MTCL3: variants seen among roughly 807,000 people sequenced by gnomAD.
MTCL3 encodes microtubule cross-linking factor 3.
the MTCL3 span, among the ~76,000 whole-genome samples, chr6:127,494,923 C>A: frequency 6.6e-6 from 1 of 152,048 alleles, no homozygotes; most frequent in African/African-American, 2.4e-5. Flanking sequence ...AATCTGAGAA[C>A]CTGGTGGCTC....
chr6:127,486,734 TAG>T, the MTCL3 span, among the ~76,000 whole-genome samples: 1 of 152,264 alleles, frequency 6.6e-6, no homozygotes, highest in South Asian at 2.1e-4. Flanking sequence ...GGCCAGGAAT[TAG>T]AGAGTTTTGC....
the MTCL3 span, among the ~76,000 whole-genome samples, chr6:127,495,074 A>ATAG: frequency 6.8e-6 from 1 of 147,748 alleles, no homozygotes; most frequent in East Asian, 2.9e-4. Context: ...GTGGACACCT[A>ATAG]TAGTCCCAGC....
the MTCL3 span, among the ~76,000 whole-genome samples, chr6:127,477,045 CTG>C: frequency 1.3e-5 from 2 of 152,224 alleles, no homozygotes; most frequent in African/African-American, 4.8e-5. Context: ...CCAGTTCTGT[CTG>C]AAACAAATGC....
chr6:127,510,343 GAA>G, the MTCL3 span, among the ~76,000 whole-genome samples: 1 of 152,308 alleles, frequency 6.6e-6, no homozygotes, highest in East Asian at 1.9e-4. Flanking sequence ...CCTGAAGGAG[GAA>G]ATAGTCACAG....
At chr6:127,515,826 A>G in the MTCL3 span, 2 of 1,609,386 alleles carry the variant, frequency 1.2e-6, no homozygotes, top group East Asian at 2.2e-5. This position sits in a 1 kb window ranked among gnomAD's most constrained non-coding sequence, Gnocchi z 4.3. Context: ...CCTTCTTGAG[A>G]TGGAACTGGA....
At chr6:127,515,517 G>T in the MTCL3 span, 3 of 1,449,384 alleles carry the variant, frequency 2.1e-6, no homozygotes, top group Non-Finnish European at 2.7e-6. The surrounding 1 kb of genome is among the most constrained non-coding windows in gnomAD (Gnocchi z 4.3). Context: ...TCCTCACCTT[G>T]AGAGTCTCGT....
At chr6:127,512,908 G>T in the MTCL3 span, 1 of 1,610,658 alleles carries the variant, frequency 6.2e-7, no homozygotes, top group Admixed American at 1.7e-5. Flanking sequence ...ATTTTTTCCA[G>T]TTCATTCTGT....
At chr6:127,478,561 C>T in the MTCL3 span, among the ~76,000 whole-genome samples, 1 of 152,158 alleles carries the variant, frequency 6.6e-6, no homozygotes, top group African/African-American at 2.4e-5. Context: ...AAACATCCAT[C>T]AACAGTCATG....
chr6:127,486,316 A>T, the MTCL3 span, among the ~76,000 whole-genome samples: 2 of 152,234 alleles, frequency 1.3e-5, no homozygotes, highest in Admixed American at 6.5e-5. Context: ...ATGTGTAAGT[A>T]TCACATTTGC....
chr6:127,484,872 T>C, the MTCL3 span, among the ~76,000 whole-genome samples: 1 of 152,202 alleles, frequency 6.6e-6, no homozygotes, highest in Admixed American at 6.5e-5. Flanking sequence ...GAAACTAAAG[T>C]TTACAGGGGT....
chr6:127,516,481 G>A, the MTCL3 span: 9 of 1,599,496 alleles, frequency 5.6e-6, no homozygotes, highest in South Asian at 4.4e-5. Flanking sequence ...ACTGTCCCTC[G>A]GTCTAGCGGG....
the MTCL3 span, among the ~76,000 whole-genome samples, chr6:127,485,525 G>C: frequency 6.6e-6 from 1 of 152,112 alleles, no homozygotes. Flanking sequence ...GACTGTCATA[G>C]AGATATACAA....
chr6:127,515,690 A>C, the MTCL3 span: 1 of 1,546,630 alleles, frequency 6.5e-7, no homozygotes. This position sits in a 1 kb window ranked among gnomAD's most constrained non-coding sequence, Gnocchi z 4.3. Flanking sequence ...GCCATTGGGG[A>C]GGCGGAGGCG....
At chr6:127,476,853 G>A in the MTCL3 span, among the ~76,000 whole-genome samples, 22 of 152,104 alleles carry the variant, frequency 1.4e-4, no homozygotes, top group Non-Finnish European at 2.4e-4. This position sits in a 1 kb window ranked among gnomAD's most constrained non-coding sequence, Gnocchi z 4.4. Context: ...ATGCATTTGC[G>A]GCCACTTTTT....
chr6:127,508,487 C>T, the MTCL3 span, among the ~76,000 whole-genome samples: 1 of 151,924 alleles, frequency 6.6e-6, no homozygotes, highest in Non-Finnish European at 1.5e-5. Context: ...TCTATTATAC[C>T]AAGTGCACAA....
chr6:127,498,989 A>G, the MTCL3 span, among the ~76,000 whole-genome samples: 5 of 152,304 alleles, frequency 3.3e-5, no homozygotes, highest in Admixed American at 2.6e-4. Flanking sequence ...AATTTGGGTT[A>G]TGGTGATGGT....
the MTCL3 span, among the ~76,000 whole-genome samples, chr6:127,494,376 A>G: frequency 7.9e-4 from 120 of 152,284 alleles, no homozygotes; most frequent in South Asian, 1.5e-3. Context: ...GAAAGAAGAA[A>G]AAAAAATAGA....
the MTCL3 span, among the ~76,000 whole-genome samples, chr6:127,504,103 TA>T: frequency 6.6e-6 from 1 of 152,108 alleles, no homozygotes; most frequent in East Asian, 1.9e-4. Context: ...ACAAATCAAG[TA>T]AAAAATAATT....
chr6:127,479,648 A>T, the MTCL3 span, among the ~76,000 whole-genome samples: 1 of 152,262 alleles, frequency 6.6e-6, no homozygotes, highest in Non-Finnish European at 1.5e-5. Context: ...CAAAGGAATG[A>T]AAACAACAAT....
Sources: allele counts gnomAD v4.1 joint callset (sites outside exome capture counted in the v4.1 genomes callset), GRCh38; gene constraint gnomAD v4.1.1; non-coding constraint Gnocchi (gnomAD v3.1); transcripts MANE v1.5; gene names NCBI Gene and HGNC (gene_info 2026-07-23, HGNC 2026-07-21).